MYRIP: variants seen among roughly 807,000 people sequenced by gnomAD.
MYRIP encodes myosin VIIA and Rab interacting protein.
A neutral mutation model predicts 98.0 loss-of-function variants in MYRIP; 49 were observed. The observed-to-expected ratio is 0.50, with a 90% CI of 0.40 to 0.63. MYRIP has a LOEUF of 0.63. MYRIP is among the 30% of genes least tolerant of loss of function. The pLI is 0.00. For synonymous variants in MYRIP, 404 were observed against 409.5 expected (o/e 0.99, Z 0.16); for missense variants, 1,004 against 1,058.2 (o/e 0.95, Z 0.71).
intron 8 of MYRIP, chr3:40,173,483 A>G (rs1004283873): frequency 1.2e-4 from 18 of 152,266 alleles, no homozygotes; most frequent in African/African-American, 4.1e-4. Context: ...GATGTAGGAC[A>G]GTGGGCTCTT....
At chr3:40,040,529 C>G in intron 2 of MYRIP, among the ~76,000 whole-genome samples, 1 of 67,758 alleles carries the variant, frequency 1.5e-5, no homozygotes, top group Non-Finnish European at 2.9e-5. Flanking sequence ...CACATGCACA[C>G]GTATGTTTAT....
intron 3 of MYRIP, among the ~76,000 whole-genome samples, chr3:40,069,148 G>A (rs550758032): frequency 6.6e-6 from 1 of 152,290 alleles, no homozygotes; most frequent in South Asian, 2.1e-4. Flanking sequence ...AGTGGGTTCA[G>A]TAACACTACT....
At chr3:39,975,277 T>G (rs1005793824) in intron 2 of MYRIP, among the ~76,000 whole-genome samples, 1 of 152,092 alleles carries the variant, frequency 6.6e-6, no homozygotes, top group African/African-American at 2.4e-5. Context: ...AGCCAAATCA[T>G]GAGTGAACTC....
Position 39,815,937 on chromosome 3 carries a change from T to C in MYRIP, c.-31+6021T>C, listed in dbSNP as rs1473205182. Among the ~76,000 whole-genome samples the C allele has an allele frequency of 9.9e-5, 15 of 152,118 alleles. No individual in the cohort carries two copies. The East Asian group carries it at 2.9e-3, about 29-fold the overall frequency. On this transcript the variant is annotated intron_variant, in intron 1 of 16. Transcript: ENST00000302541. The stretch of plus-strand genomic sequence containing the variant: ...ATGTTAAATTTTTATCATATTCTTT[T>C]TTATATCCTCTTTAACAAAGTTGAA...
intron 3 of MYRIP, among the ~76,000 whole-genome samples, chr3:40,110,109 T>C (rs1339291203): frequency 6.6e-6 from 1 of 152,198 alleles, no homozygotes; most frequent in East Asian, 1.9e-4. Context: ...TGCCCACCAG[T>C]GGGCCTTTTG....
In MYRIP at chr3:40,158,696, G is replaced by T. The variant is rs943159762; in HGVS notation, c.470-4034G>T. On this transcript the variant is annotated intron_variant, in intron 4 of 16. Transcript: ENST00000302541. ...TGGGTGCTCCTGTATTGGGTGCATA[G>T]ATATTTAGGATACTTAGCTCTTCTT... Among the ~76,000 whole-genome samples the T allele has an allele frequency of 8.5e-5, 13 of 152,128 alleles. No individual in the cohort carries two copies. The East Asian group carries it at 1.2e-3, about 14-fold the overall frequency.
chr3:40,056,777 AT>A (rs5848545), intron 3 of MYRIP, among the ~76,000 whole-genome samples: 60,616 of 151,682 alleles, frequency 0.4, 12,317 homozygotes, highest in East Asian at 0.58. Context: ...TAACTTAAAA[AT>A]CCATAGCGCA....
chr3:40,045,589 C>T (rs1002949219), intron 3 of MYRIP, among the ~76,000 whole-genome samples: 3 of 152,262 alleles, frequency 2.0e-5, no homozygotes, highest in African/African-American at 4.8e-5. Context: ...TCATGTAACA[C>T]GTTTAAGGAT....
chr3:40,010,543 C>G (rs576339643), intron 2 of MYRIP, among the ~76,000 whole-genome samples: 2 of 152,344 alleles, frequency 1.3e-5, no homozygotes, highest in Admixed American at 1.3e-4. Flanking sequence ...CATCATGAAC[C>G]AGTGAGGCTT....
intron 10 of MYRIP, among the ~76,000 whole-genome samples, chr3:40,192,759 C>T (rs749963078): frequency 1.3e-5 from 2 of 152,108 alleles, no homozygotes; most frequent in African/African-American, 2.4e-5. Flanking sequence ...GTAAGAAGGA[C>T]GCTGGGGATA....
At chr3:39,935,909 T>C (rs1239373966) in intron 2 of MYRIP, among the ~76,000 whole-genome samples, 1 of 152,176 alleles carries the variant, frequency 6.6e-6, no homozygotes, top group Non-Finnish European at 1.5e-5. Flanking sequence ...TCTACAAATA[T>C]AGGCATGATA....
chr3:39,877,569 C>G (rs969498588), intron 1 of MYRIP, among the ~76,000 whole-genome samples: 1 of 152,176 alleles, frequency 6.6e-6, no homozygotes, highest in Admixed American at 6.5e-5. Flanking sequence ...CAGACAGGAC[C>G]CTCAGCTGCA....
At chr3:40,230,861 T>C (rs1952634112) in intron 11 of MYRIP, among the ~76,000 whole-genome samples, 1 of 151,874 alleles carries the variant, frequency 6.6e-6, no homozygotes, top group Admixed American at 6.6e-5. Flanking sequence ...AATTTCGCTC[T>C]TGTTGCCCAG....
intron 2 of MYRIP, among the ~76,000 whole-genome samples, chr3:39,908,794 A>G (rs1943944194): frequency 6.6e-6 from 1 of 152,214 alleles, no homozygotes; most frequent in African/African-American, 2.4e-5. Flanking sequence ...ATTAGCAAAT[A>G]CTTCTGCTTA....
At chr3:39,860,806 T>C (rs1342733034) in intron 1 of MYRIP, among the ~76,000 whole-genome samples, 1 of 152,224 alleles carries the variant, frequency 6.6e-6, no homozygotes, top group African/African-American at 2.4e-5. Context: ...ACACATGGGT[T>C]GACCTTGCCT....
intron 2 of MYRIP, among the ~76,000 whole-genome samples, chr3:39,904,695 C>G (rs2094315239): frequency 1.3e-5 from 2 of 152,120 alleles, no homozygotes; most frequent in South Asian, 2.1e-4. Context: ...CCTACTATCC[C>G]CCACTGTCTG....
chr3:40,068,820 G>A (rs1002182589), intron 3 of MYRIP, among the ~76,000 whole-genome samples: 3 of 152,192 alleles, frequency 2.0e-5, no homozygotes, highest in Non-Finnish European at 4.4e-5. Context: ...TTCCCATGGA[G>A]AGCACTGTTC....
intron 3 of MYRIP, among the ~76,000 whole-genome samples, chr3:40,061,772 T>C (rs9880525): frequency 0.46 from 69,259 of 152,022 alleles, 15,796 homozygotes; most frequent in East Asian, 0.56. Flanking sequence ...TTTGTTTGTT[T>C]AACTTTTTAT....
chr3:40,218,889 G>T (rs1952237594), intron 11 of MYRIP, among the ~76,000 whole-genome samples: 1 of 151,782 alleles, frequency 6.6e-6, no homozygotes, highest in Non-Finnish European at 1.5e-5. Flanking sequence ...CAAACTTGAT[G>T]AAGTTATTCT....
Sources: gnomAD v4.1 joint callset for allele counts (sites outside exome capture counted in the v4.1 genomes callset) on GRCh38, gnomAD v4.1.1 for gene constraint, MANE v1.5 for transcripts, NCBI Gene and HGNC (gene_info 2026-07-23, HGNC 2026-07-21) for gene names.